Variants in GLI3 observed in about 807,000 individuals in gnomAD.
The protein encoded by GLI3 is GLI family zinc finger 3, also known as transcription activator GLI3.
GLI3 carries 20 observed loss-of-function variants against 100.8 expected under a neutral mutation model. The observed-to-expected ratio is 0.20, with a 90% CI of 0.14 to 0.29. GLI3 has a LOEUF of 0.29. Among genes scored for constraint, GLI3 ranks in the 10% least tolerant of loss-of-function variants. The probability of loss-of-function intolerance (pLI) is 1.00; values close to 1 mark genes in which losing one functional copy is unlikely to be tolerated. For missense variants in GLI3, 2,040 were observed against 2,128.5 expected, an observed-to-expected ratio of 0.96 and a Z score of 0.82; for synonymous variants, 938 against 860.5, an observed-to-expected ratio of 1.09 and a Z score of -1.58.
chr7:42,132,677 A>C (rs181786078), intron 3 of GLI3, among the ~76,000 whole-genome samples: 11 of 152,364 alleles, frequency 7.2e-5, no homozygotes, highest in East Asian at 3.9e-4. Context: ...GAATTCTAGT[A>C]ACATCTCTTT....
intron 2 of GLI3, among the ~76,000 whole-genome samples, chr7:42,171,967 G>A (rs1343689190): frequency 5.9e-5 from 9 of 152,138 alleles, no homozygotes; most frequent in East Asian, 3.9e-4. Context: ...CAATGTTTAC[G>A]GCTCCAAAGG....
chr7:42,248,109 A>G (rs547098839), intron 1 of GLI3, among the ~76,000 whole-genome samples: 16 of 152,340 alleles, frequency 1.1e-4, no homozygotes, highest in Admixed American at 1.0e-3. Context: ...TTTTTAACTA[A>G]AAATATAAAA....
chr7:42,213,427 G>A (rs553050522), intron 2 of GLI3, among the ~76,000 whole-genome samples: 1 of 152,250 alleles, frequency 6.6e-6, no homozygotes, highest in African/African-American at 2.4e-5. Flanking sequence ...ATTTGTAATA[G>A]CAGTCTAATT....
intron 3 of GLI3, among the ~76,000 whole-genome samples, chr7:42,090,244 C>G (rs993597522): frequency 1.3e-5 from 2 of 152,084 alleles, no homozygotes; most frequent in Non-Finnish European, 2.9e-5. Flanking sequence ...ATGTGAAGAC[C>G]TAGGACATCC....
chr7:42,065,651 T>C (rs901207620), intron 4 of GLI3, among the ~76,000 whole-genome samples: 1 of 152,206 alleles, frequency 6.6e-6, no homozygotes. Context: ...ATTATTTCTA[T>C]ACATAAGGCA....
intron 1 of GLI3, among the ~76,000 whole-genome samples, chr7:42,230,045 C>G (rs1788664508): frequency 8.2e-6 from 1 of 122,206 alleles, no homozygotes; most frequent in South Asian, 2.6e-4. Flanking sequence ...ATTCCTAAGG[C>G]TTCATTTCCT....
intron 6 of GLI3, among the ~76,000 whole-genome samples, chr7:42,044,879 G>A (rs1171598277): frequency 6.6e-6 from 1 of 151,914 alleles, no homozygotes; most frequent in Non-Finnish European, 1.5e-5. Flanking sequence ...AGACAATCAC[G>A]ACAGGAAAAA....
chr7:42,251,524 A>T (rs565225598), intron 1 of GLI3, among the ~76,000 whole-genome samples: 1 of 152,270 alleles, frequency 6.6e-6, no homozygotes, highest in South Asian at 2.1e-4. Flanking sequence ...TCTGTGCTTG[A>T]TAGGGAAAGA....
Position 42,078,721 on chromosome 7 carries a change from TCA to T in GLI3, c.368-1866_368-1865del, listed in dbSNP as rs200129058. On this transcript the variant is annotated intron_variant, in intron 3 of 14. Transcript: ENST00000395925. ...GATATACTAATGACCTGATCATTTA[TCA>T]CAGTTTTTTTTTTTTTTTTTTTTTG... 8.0e-3 allele frequency among the ~76,000 whole-genome samples: 1,134 copies of T among 141,182 alleles called. 21 individuals carry two copies. The highest frequency in any genetic ancestry group is 0.028 in the African/African-American group (1,071 of 38,546). 92.6% of individuals were successfully genotyped at this position (141,182 alleles called of 152,430 possible).
At chr7:42,150,533 A>G (rs1786829483) in intron 2 of GLI3, among the ~76,000 whole-genome samples, 1 of 152,168 alleles carries the variant, frequency 6.6e-6, no homozygotes, top group Non-Finnish European at 1.5e-5. Flanking sequence ...TTTATTTCAA[A>G]CTTAAATCTG....
chr7:42,136,522 A>G (rs1786432065), intron 3 of GLI3, among the ~76,000 whole-genome samples: 1 of 152,224 alleles, frequency 6.6e-6, no homozygotes, highest in South Asian at 2.1e-4. Flanking sequence ...ACTACTGTGT[A>G]CCAACTCTTA....
chr7:42,002,258 CAG>C (rs1287847183), intron 10 of GLI3, among the ~76,000 whole-genome samples: 2 of 152,068 alleles, frequency 1.3e-5, no homozygotes, highest in Admixed American at 1.3e-4. Flanking sequence ...AAAAAATAAA[CAG>C]ATGAATATAT....
At chr7:41,979,491 A>G (rs1562667566) in intron 10 of GLI3, among the ~76,000 whole-genome samples, 1 of 152,216 alleles carries the variant, frequency 6.6e-6, no homozygotes. Flanking sequence ...ATAAAGATGA[A>G]GTTCTCTGAA....
intron 3 of GLI3, among the ~76,000 whole-genome samples, chr7:42,113,872 C>T (rs191282345): frequency 6.6e-5 from 10 of 152,280 alleles, no homozygotes; most frequent in Admixed American, 3.3e-4. Flanking sequence ...CCTCTTGGCT[C>T]CCAGGAGGAG....
intron 1 of GLI3, among the ~76,000 whole-genome samples, chr7:42,259,502 G>A (rs977882569): frequency 1.3e-5 from 2 of 152,214 alleles, no homozygotes; most frequent in African/African-American, 4.8e-5. Flanking sequence ...TTGCTGTTAA[G>A]ATTGAATAAT....
At position 42,049,079 on chromosome 7, in the gene GLI3, C is replaced by T. The variant is rs116366259; in HGVS notation, c.474-383G>A. Among the ~76,000 whole-genome samples, 515 of 152,004 alleles carry T rather than the reference C, an allele frequency of 3.4e-3. 1 individual carries two copies. Among genetic ancestry groups the T allele is most frequent in the African/African-American group, 0.012 (504 of 41,462 alleles). ...TATTAATGTTACCATTTAAAACTTA[C>T]CTCTTACTAGCATGGTGTTGCATAA... On this transcript the variant is annotated intron_variant, in intron 4 of 14. Coordinates refer to ENST00000395925, the MANE Select transcript of GLI3 (RefSeq NM_000168.6).
intron 3 of GLI3, among the ~76,000 whole-genome samples, chr7:42,079,116 G>T (rs998384164): frequency 2.0e-5 from 3 of 152,138 alleles, no homozygotes; most frequent in Non-Finnish European, 4.4e-5. Flanking sequence ...ATATGAAAGG[G>T]TGTAGGTATT....
intron 2 of GLI3, among the ~76,000 whole-genome samples, chr7:42,181,011 G>A (rs1787580334): frequency 6.6e-6 from 1 of 152,144 alleles, no homozygotes; most frequent in Non-Finnish European, 1.5e-5. Context: ...TTTCAGTTTT[G>A]CAGGCCAGTC....
In GLI3 at chr7:42,210,347, C is replaced by A. The variant is rs906751370; in HGVS notation, c.124+12783G>T. 1.9e-4 allele frequency among the ~76,000 whole-genome samples: 26 copies of A among 135,232 alleles called. 1 individual carries two copies. The highest frequency in any genetic ancestry group is 3.9e-4 in the African/African-American group (14 of 35,552). 88.7% of individuals were successfully genotyped at this position (135,232 alleles called of 152,430 possible). On this transcript the variant is annotated intron_variant, in intron 2 of 14. Transcript: ENST00000395925. ...CTATTCAAAAATGAAAGCCCCCCCC[C>A]CCCCCCCAAGTTAAAATAAGGTACA...
Sources: gnomAD v4.1 joint callset for allele counts (sites outside exome capture counted in the v4.1 genomes callset) on GRCh38, gnomAD v4.1.1 for gene constraint, MANE v1.5 for transcripts, NCBI Gene and HGNC (gene_info 2026-07-23, HGNC 2026-07-21) for gene names.